Variants in ENOX1 observed in about 807,000 individuals in gnomAD.
The protein encoded by ENOX1 is ecto-NOX disulfide-thiol exchanger 1, also known as candidate growth-related and time keeping constitutive hydroquinone (NADH) oxidase.
ENOX1 carries 42 observed loss-of-function variants against 82.5 expected under a neutral mutation model. That is an observed-to-expected ratio of 0.51 (90% confidence interval 0.40 to 0.66). ENOX1 has a LOEUF of 0.66. Among genes scored for constraint, ENOX1 ranks in the 30% least tolerant of loss-of-function variants. The probability of loss-of-function intolerance (pLI) is 0.00; values close to 1 mark genes in which losing one functional copy is unlikely to be tolerated. For missense variants in ENOX1, 608 were observed against 811.6 expected, an observed-to-expected ratio of 0.75 and a Z score of 3.05; for synonymous variants, 271 against 282.2, an observed-to-expected ratio of 0.96 and a Z score of 0.40.
At chr13:43,534,432 A>T (rs906316469) in intron 2 of ENOX1, among the ~76,000 whole-genome samples, 12 of 152,240 alleles carry the variant, frequency 7.9e-5, no homozygotes, top group Admixed American at 6.5e-4. Flanking sequence ...TTCCAGGGAT[A>T]ATATTTTACC....
chr13:43,504,466 T>C (rs1172596611), intron 2 of ENOX1, among the ~76,000 whole-genome samples: 1 of 151,754 alleles, frequency 6.6e-6, no homozygotes, highest in Non-Finnish European at 1.5e-5. Context: ...GGTATATACA[T>C]ACAATGGGAT....
In ENOX1 at chr13:43,511,733, T is replaced by G. The variant is rs564693552; in HGVS notation, c.-218-27581A>C. On this transcript the variant is annotated intron_variant, in intron 2 of 16. Transcript: ENST00000690772. ...TCTTTTATAGTGCTTTGGGAAATGT[T>G]AGACCATTGGTCTGCATCATTTCAC... Among the ~76,000 whole-genome samples, 4 of 152,300 alleles carry G rather than the reference T, an allele frequency of 2.6e-5. No homozygotes were observed. In the South Asian group the frequency reaches 6.2e-4, roughly 24 times the overall value.
At chr13:43,227,064 T>C (rs893303075) in intron 15 of ENOX1, among the ~76,000 whole-genome samples, 1 of 152,228 alleles carries the variant, frequency 6.6e-6, no homozygotes, top group South Asian at 2.1e-4. Context: ...TAAATGTCCA[T>C]AGGTGTATGG....
chr13:43,488,665 T>C (rs2076515723), intron 2 of ENOX1, among the ~76,000 whole-genome samples: 1 of 152,064 alleles, frequency 6.6e-6, no homozygotes, highest in Non-Finnish European at 1.5e-5. Flanking sequence ...TTAAGGGCAA[T>C]TGTGGTGAGG....
intron 2 of ENOX1, among the ~76,000 whole-genome samples, chr13:43,510,911 T>C (rs1254086766): frequency 1.3e-5 from 2 of 152,138 alleles, no homozygotes; most frequent in African/African-American, 4.8e-5. Context: ...CTAGTGTTGT[T>C]GCTACCACTC....
intron 5 of ENOX1, among the ~76,000 whole-genome samples, chr13:43,380,151 T>C (rs79013204): frequency 0.039 from 5,852 of 151,672 alleles, 153 homozygotes; most frequent in South Asian, 0.1. Context: ...ATCTATACTA[T>C]AAGAAATATT....
chr13:43,312,813 C>T (rs769227669), intron 11 of ENOX1, among the ~76,000 whole-genome samples: 6 of 152,072 alleles, frequency 3.9e-5, no homozygotes, highest in Admixed American at 1.3e-4. Flanking sequence ...TTGCTGGGTG[C>T]GTTGCCTATA....
chr13:43,609,062 A>G (rs774897295), intron 2 of ENOX1, among the ~76,000 whole-genome samples: 1 of 152,222 alleles, frequency 6.6e-6, no homozygotes, highest in Non-Finnish European at 1.5e-5. Flanking sequence ...CCTGACACAG[A>G]GCAGGCACTC....
chr13:43,263,096 G>GATTA (rs577750203), intron 14 of ENOX1, among the ~76,000 whole-genome samples: 1 of 152,178 alleles, frequency 6.6e-6, no homozygotes, highest in East Asian at 1.9e-4. Flanking sequence ...AATAATTGAT[G>GATTA]ATTAATTCTT....
At chr13:43,580,754 T>G (rs1026986265) in intron 2 of ENOX1, among the ~76,000 whole-genome samples, 5 of 152,240 alleles carry the variant, frequency 3.3e-5, no homozygotes, top group Non-Finnish European at 7.3e-5. Context: ...AAGTTTATTT[T>G]TATAGGTAAG....
chr13:43,262,651 C>T (rs2044143084), intron 14 of ENOX1, among the ~76,000 whole-genome samples: 1 of 152,050 alleles, frequency 6.6e-6, no homozygotes, highest in African/African-American at 2.4e-5. Flanking sequence ...TTCAGCCTCC[C>T]AAGTAGCTGG....
At chr13:43,737,306 G>C (rs1255058820) in intron 1 of ENOX1, among the ~76,000 whole-genome samples, 2 of 152,174 alleles carry the variant, frequency 1.3e-5, no homozygotes, top group African/African-American at 4.8e-5. Context: ...ATCTAACATG[G>C]AGCACTAACA....
chr13:43,726,252 T>C (rs2088949115), intron 1 of ENOX1, among the ~76,000 whole-genome samples: 1 of 151,316 alleles, frequency 6.6e-6, no homozygotes, highest in African/African-American at 2.4e-5. Context: ...TTTCGCTCTG[T>C]TGCCCAGGCT....
intron 1 of ENOX1, among the ~76,000 whole-genome samples, chr13:43,773,349 T>C (rs1306793782): frequency 6.6e-6 from 1 of 152,016 alleles, no homozygotes; most frequent in Non-Finnish European, 1.5e-5. Context: ...TTTCACCTCA[T>C]TTTTTTTACA....
At chr13:43,623,171 C>G (rs946883402) in intron 2 of ENOX1, among the ~76,000 whole-genome samples, 5 of 152,088 alleles carry the variant, frequency 3.3e-5, no homozygotes, top group Non-Finnish European at 5.9e-5. Context: ...AAAACCTGCC[C>G]CAGGATACCT....
At chr13:43,381,472 A>AT (rs1236075728) in intron 5 of ENOX1, among the ~76,000 whole-genome samples, 4 of 3,044 alleles carry the variant, frequency 1.3e-3, no homozygotes, top group Non-Finnish European at 0.015. Flanking sequence ...TCTATCTTAT[A>AT]AAAAAAAAAA....
intron 3 of ENOX1, among the ~76,000 whole-genome samples, chr13:43,450,395 C>T (rs1236178375): frequency 1.3e-5 from 2 of 152,032 alleles, no homozygotes; most frequent in Non-Finnish European, 2.9e-5. Context: ...TCAAGTACGA[C>T]GAGGCCAACA....
intron 11 of ENOX1, among the ~76,000 whole-genome samples, chr13:43,299,572 A>T (rs962464429): frequency 2.0e-5 from 3 of 152,174 alleles, no homozygotes; most frequent in Non-Finnish European, 2.9e-5. Flanking sequence ...GAAAGCCTTC[A>T]CACCCAGGCT....
chr13:43,337,814 C>T (rs2153539221), intron 9 of ENOX1, among the ~76,000 whole-genome samples: 1 of 152,192 alleles, frequency 6.6e-6, no homozygotes, highest in Middle Eastern at 3.4e-3. Flanking sequence ...TTCTAAACTG[C>T]CCATAAACTA....
Sources: allele counts gnomAD v4.1 joint callset (sites outside exome capture counted in the v4.1 genomes callset), GRCh38; gene constraint gnomAD v4.1.1; transcripts MANE v1.5; gene names NCBI Gene and HGNC (gene_info 2026-07-23, HGNC 2026-07-21).